MCM6: variants seen among roughly 807,000 people sequenced by gnomAD.
MCM6 encodes the protein DNA replication licensing factor MCM6.
MCM6 carries 46 observed loss-of-function variants against 94.3 expected under a neutral mutation model. The ratio of observed to expected loss-of-function variants is 0.49; its 90% confidence interval spans 0.39 to 0.62. The LOEUF (loss-of-function observed/expected upper bound fraction) is 0.62. Ranked by LOEUF, MCM6 falls within the 20% of genes least tolerant of loss-of-function variation. The pLI is 0.00. For missense variants in MCM6, 865 were observed against 1,017.9 expected, an observed-to-expected ratio of 0.85 and a Z score of 2.04; for synonymous variants, 335 against 351.9, an observed-to-expected ratio of 0.95 and a Z score of 0.54.
chr2:135,865,313 A>G (rs926352229), intron 6 of MCM6, 150 bp from the exon 7 acceptor site: 1 of 483,288 alleles, frequency 2.1e-6, no homozygotes, highest in Non-Finnish European at 3.4e-6. Context: ...ACAACTCCCC[A>G]AACTAGTAAG....
At chr2:135,844,086 C>T (rs1679629411) in intron 16 of MCM6, among the ~76,000 whole-genome samples, 1 of 151,322 alleles carries the variant, frequency 6.6e-6, no homozygotes, top group South Asian at 2.1e-4. Context: ...ATATGCTTTT[C>T]TCCAGATACT....
chr2:135,856,920 A>G, intron 10 of MCM6, 37 bp from the exon 11 acceptor site: 1 of 1,575,138 alleles, frequency 6.3e-7, no homozygotes, highest in South Asian at 1.2e-5. Context: ...AGATTTAAAT[A>G]GACATCAGCC....
Position 135,848,049 on chromosome 2 carries a change from T to A in MCM6, c.2053+4A>T. On this transcript the variant is annotated splice_donor_region_variant and intron_variant, in intron 14 of 16. Transcript: ENST00000264156. ...CAAAACAGTCACATGAACAAGTATC[T>A]CACCATTGATGCCACCAGCACCCTC... 6.2e-7 allele frequency: 1 copy of A among 1,604,062 alleles called. No individual in the cohort carries two copies. Among genetic ancestry groups the A allele is most frequent in the Non-Finnish European group, 8.5e-7 (1 of 1,172,018 alleles).
At chr2:135,852,211 A>C (rs1679791013) in intron 12 of MCM6, among the ~76,000 whole-genome samples, 1 of 152,230 alleles carries the variant, frequency 6.6e-6, no homozygotes, top group South Asian at 2.1e-4. Context: ...AATACCTAGT[A>C]ACACCTTCCA....
chr2:135,846,333 G>T lies in MCM6; in HGVS notation c.2113C>A (p.Gln705Lys). The T allele has an allele frequency of 6.2e-7, 1 of 1,614,092 alleles. No homozygotes were observed. The highest frequency in any genetic ancestry group is 8.5e-7 in the Non-Finnish European group (1 of 1,179,948). The change falls in exon 15 of 17, where the codon CAA becomes AAA. Residue 705 changes from glutamine to lysine, a missense_variant. Around this residue, in one of 3 missense-constraint regions of MCM6, gnomAD observed 308 missense variants for 324.5 expected, o/e 0.95. Transcript: ENST00000264156. ...AAGGAGGCTTTGGGAGCAGACTCTT[G>T]ATTTATGTCTTCATTGTAGCCATTG... ...GINGYNEDIN[Q>K]ESAPKASLRL...
chr2:135,870,155 G>T, intron 3 of MCM6, 96 bp downstream of exon 3: 1 of 803,382 alleles, frequency 1.2e-6, no homozygotes, highest in Non-Finnish European at 2.2e-6. Context: ...CCAGCTAATA[G>T]CAGATCAAGG....
chr2:135,846,512 T>C, intron 14 of MCM6, 120 bp from the exon 15 acceptor site: 3 of 798,616 alleles, frequency 3.8e-6, no homozygotes, highest in Non-Finnish European at 5.9e-6. Context: ...AAAATTATTA[T>C]TATTATTTGT....
Position 135,844,526 on chromosome 2 carries a change from C to T in MCM6, c.2349+19G>A, listed in dbSNP as rs370523321. ...TCCCTCCCTCCCTGATACCAGAGCA[C>T]GCGCACTTCTGCACCTACATAGTGT... On this transcript the variant is annotated intron_variant, in intron 16 of 16. Coordinates refer to ENST00000264156, the MANE Select transcript of MCM6 (RefSeq NM_005915.6). 90 of 1,475,962 alleles carry T rather than the reference C, an allele frequency of 6.1e-5. No individual in the cohort carries two copies. The African/African-American group carries it at 1.0e-3, about 17-fold the overall frequency. 91.4% of individuals were successfully genotyped at this position (1,475,962 alleles called of 1,614,324 possible).
In MCM6 at chr2:135,876,373, T is replaced by C. The variant is rs188565779; in HGVS notation, c.-8A>G. 8.5e-5 allele frequency: 136 copies of C among 1,600,564 alleles called. No individual in the cohort carries two copies. The East Asian group carries it at 2.5e-3, about 29-fold the overall frequency. On this transcript the variant is annotated 5_prime_UTR_variant, in exon 1 of 17. Coordinates refer to ENST00000264156, the MANE Select transcript of MCM6 (RefSeq NM_005915.6). ...TGCCGCCGCGAGGTCCATATTTGCT[T>C]AGTGCCGAGGATTCGCCTGCGCCAC... is the stretch of plus-strand genomic sequence containing the variant.
At chr2:135,873,717 T>C in intron 1 of MCM6, among the ~76,000 whole-genome samples, 1 of 152,242 alleles carries the variant, frequency 6.6e-6, no homozygotes, top group African/African-American at 2.4e-5. Flanking sequence ...TAGGGTTAAC[T>C]AACACTTTGT....
intron 15 of MCM6, among the ~76,000 whole-genome samples, 184 bp downstream of exon 15, chr2:135,846,053 G>T (rs1424908066): frequency 2.6e-5 from 4 of 152,160 alleles, no homozygotes; most frequent in Non-Finnish European, 5.9e-5. Context: ...ATAAGCTTGT[G>T]AAGAAATGTT....
chr2:135,855,153 C>CACAAA (rs1300083459), intron 11 of MCM6, among the ~76,000 whole-genome samples: 6 of 152,068 alleles, frequency 3.9e-5, no homozygotes, highest in Non-Finnish European at 7.4e-5. Context: ...GAGACTCCGT[C>CACAAA]ACAAAACAAA....
At chr2:135,862,292 TTA>T (rs1680010252) in intron 8 of MCM6, among the ~76,000 whole-genome samples, 2 of 105,234 alleles carry the variant, frequency 1.9e-5, no homozygotes, top group Admixed American at 9.3e-5. Flanking sequence ...GTATAAAATT[TTA>T]TACAAATAAT....
chr2:135,862,472 T>G (rs1207941559), intron 8 of MCM6, 135 bp downstream of exon 8: 1 of 976,322 alleles, frequency 1.0e-6, no homozygotes, highest in Admixed American at 2.6e-5. Flanking sequence ...AACTTTAATC[T>G]ATGAGAATTA....
chr2:135,848,368 T>C (rs1040452747), intron 13 of MCM6, among the ~76,000 whole-genome samples, 180 bp from the exon 14 acceptor site: 1 of 152,122 alleles, frequency 6.6e-6, no homozygotes, highest in Non-Finnish European at 1.5e-5. Context: ...CACACAGAAA[T>C]AGCACTATAA....
rs747293176 is a variant in MCM6 at position 135,840,805 on chromosome 2, C to T, written c.*30G>A. On this transcript the variant is annotated 3_prime_UTR_variant, in exon 17 of 17. Coordinates refer to ENST00000264156, the MANE Select transcript of MCM6 (RefSeq NM_005915.6). ...GGCCACGAGGTGCTGTGCCACAGTTCCTCAGCTCTGGTCAGTTACTTTCAC... is the reference window on the plus strand; with the variant it reads ...GGCCACGAGGTGCTGTGCCACAGTTTCTCAGCTCTGGTCAGTTACTTTCAC... 1.3e-6 allele frequency: 2 copies of T among 1,499,908 alleles called. No individual in the cohort carries two copies. The highest frequency in any genetic ancestry group is 1.9e-6 in the Non-Finnish European group (2 of 1,076,284). The allele number at this position is 1,499,908 out of a possible 1,614,324, so 92.9% of individuals were successfully genotyped here. A position where few individuals can be genotyped will look rare whatever the true frequency, so the allele number is the denominator to read the frequency against.
At chr2:135,859,759 C>T (rs571099711) in intron 8 of MCM6, among the ~76,000 whole-genome samples, 56 of 151,644 alleles carry the variant, frequency 3.7e-4, no homozygotes, top group Admixed American at 9.2e-4. Context: ...TGGGCCATCA[C>T]GCCTGGCTAA....
At chr2:135,847,712 C>T (rs1679698040) in intron 14 of MCM6, among the ~76,000 whole-genome samples, 3 of 152,084 alleles carry the variant, frequency 2.0e-5, no homozygotes, top group Non-Finnish European at 2.9e-5. Context: ...TACAGGCAGC[C>T]GCCACCACGC....
intron 7 of MCM6, among the ~76,000 whole-genome samples, chr2:135,863,244 A>T (rs1468443594): frequency 1.3e-5 from 2 of 152,252 alleles, no homozygotes; most frequent in African/African-American, 4.8e-5. Flanking sequence ...ATTAAATAAG[A>T]TGCTGAATGC....
Sources: allele counts gnomAD v4.1 joint callset (sites outside exome capture counted in the v4.1 genomes callset), GRCh38; gene constraint gnomAD v4.1.1; regional missense constraint gnomAD v4.1.1; transcripts MANE v1.5; gene names NCBI Gene and HGNC (gene_info 2026-07-23, HGNC 2026-07-21).